GABRA2: variants seen among roughly 807,000 people sequenced by gnomAD.
The protein encoded by GABRA2 is gamma-aminobutyric acid type A receptor subunit alpha2, also known as gamma-aminobutyric acid receptor subunit alpha-2.
A neutral mutation model predicts 48.7 loss-of-function variants in GABRA2; 16 were observed. The ratio of observed to expected loss-of-function variants is 0.33; its 90% CI spans 0.22 to 0.50. GABRA2 has a LOEUF of 0.50. GABRA2 is among the 20% of genes least tolerant of loss of function. GABRA2 has a pLI of 0.98. For missense variants in GABRA2, 275 were observed against 535.6 expected (o/e 0.51, Z 4.80); for synonymous variants, 185 against 184.5 (o/e 1.00, Z -0.02).
At chr4:46,256,810 T>C (rs1159092086) in intron 9 of GABRA2, among the ~76,000 whole-genome samples, 5 of 151,702 alleles carry the variant, frequency 3.3e-5, no homozygotes, top group Admixed American at 6.6e-5. Context: ...AATAAATAAA[T>C]ACACTTGAAA....
chr4:46,289,600 A>G (rs1723197879), intron 8 of GABRA2, among the ~76,000 whole-genome samples: 1 of 152,202 alleles, frequency 6.6e-6, no homozygotes. Flanking sequence ...ACGAATAGGT[A>G]CTAGGCTTAA....
chr4:46,304,397 T>A (rs1418419209), intron 7 of GABRA2, among the ~76,000 whole-genome samples: 1 of 152,202 alleles, frequency 6.6e-6, no homozygotes, highest in Non-Finnish European at 1.5e-5. Context: ...TCTACCTTCC[T>A]TTCTGCTCCC....
At chr4:46,296,668 G>A (rs7436559) in intron 8 of GABRA2, among the ~76,000 whole-genome samples, 54,909 of 133,774 alleles carry the variant, frequency 0.41, 11,275 homozygotes, top group East Asian at 0.5. Flanking sequence ...AAAAAAAAAA[G>A]AAAAAAAAAA....
chr4:46,306,123 T>G (rs1726646745), intron 6 of GABRA2, among the ~76,000 whole-genome samples: 1 of 152,174 alleles, frequency 6.6e-6, no homozygotes, highest in African/African-American at 2.4e-5. Flanking sequence ...TTATATTAAT[T>G]TTTGGACATA....
rs144996093 is a variant in GABRA2, at chr4:46,258,433, G to T, written c.1059+3493C>A. Among the ~76,000 whole-genome samples, 678 of 151,954 alleles carry T rather than the reference G, an allele frequency of 4.5e-3. 7 individuals carry two copies. Among genetic ancestry groups the T allele is most frequent in the African/African-American group, 0.015 (622 of 41,528 alleles). ...AATTTCCTGAGGAATTGATATTTGT[G>T]CTGAGGATGGCAAATGGGGGGACAG... On this transcript the variant is annotated intron_variant, in intron 9 of 9. Transcript: ENST00000381620.
chr4:46,355,750 A>G (rs1230796009), intron 3 of GABRA2, among the ~76,000 whole-genome samples: 1 of 151,968 alleles, frequency 6.6e-6, no homozygotes, highest in Non-Finnish European at 1.5e-5. Flanking sequence ...AATCTAATCC[A>G]CTGTATGTTT....
intron 9 of GABRA2, among the ~76,000 whole-genome samples, chr4:46,254,013 T>TATAGAC (rs1386879067): frequency 2.0e-5 from 3 of 151,546 alleles, no homozygotes; most frequent in African/African-American, 7.3e-5. Context: ...TTCTAAGATC[T>TATAGAC]TCTAAAGCAG....
chr4:46,340,354 C>T (rs1051670243), intron 3 of GABRA2, among the ~76,000 whole-genome samples: 2 of 151,924 alleles, frequency 1.3e-5, no homozygotes, highest in Admixed American at 6.6e-5. Flanking sequence ...AAAGAAATCC[C>T]ACATCCATTT....
chr4:46,340,063 T>C (rs567975645), intron 3 of GABRA2, among the ~76,000 whole-genome samples: 1 of 151,972 alleles, frequency 6.6e-6, no homozygotes, highest in Admixed American at 6.6e-5. Flanking sequence ...GCTTCTCTCT[T>C]TTCAACAGTA....
intron 3 of GABRA2, among the ~76,000 whole-genome samples, chr4:46,347,465 C>T (rs1734334160): frequency 6.6e-6 from 1 of 151,772 alleles, no homozygotes; most frequent in African/African-American, 2.4e-5. Context: ...TGATATTGAA[C>T]AAAGGTTTGA....
At chr4:46,341,831 A>AT (rs1370871031) in intron 3 of GABRA2, among the ~76,000 whole-genome samples, 1 of 151,898 alleles carries the variant, frequency 6.6e-6, no homozygotes, top group African/African-American at 2.4e-5. Flanking sequence ...TTTTCTTTAG[A>AT]TTTTGCCCAG....
Position 46,245,053 on chromosome 4 carries a change from C to T in GABRA2, c.*5255G>A, listed in dbSNP as rs1177599576. ...TTTTTGTTTTTTTGTTTGTTTGTTT[C>T]GTTTACCTTTCCTATAATATATGTA... On this transcript the variant is annotated 3_prime_UTR_variant, in exon 10 of 10. Transcript: ENST00000381620. Among the ~76,000 whole-genome samples, 1 of 150,668 alleles carries T rather than the reference C, an allele frequency of 6.6e-6. No homozygotes were observed. The highest frequency in any genetic ancestry group is 1.5e-5 in the Non-Finnish European group (1 of 67,312).
At chr4:46,269,464 A>T (rs1169434630) in intron 8 of GABRA2, among the ~76,000 whole-genome samples, 2 of 151,898 alleles carry the variant, frequency 1.3e-5, no homozygotes, top group African/African-American at 4.8e-5. Context: ...TACCTACATG[A>T]TAAATACCAT....
intron 8 of GABRA2, among the ~76,000 whole-genome samples, chr4:46,293,107 G>A (rs1212290897): frequency 7.0e-6 from 1 of 142,268 alleles, no homozygotes; most frequent in African/African-American, 2.6e-5. Context: ...ATTAATCATG[G>A]TGACTCTATA....
chr4:46,375,553 C>T (rs370438809), intron 3 of GABRA2, among the ~76,000 whole-genome samples: 6 of 152,174 alleles, frequency 3.9e-5, no homozygotes, highest in African/African-American at 1.2e-4. Context: ...CTTAAACACC[C>T]TCGACATCCC....
chr4:46,356,465 A>T (rs1480076836), intron 3 of GABRA2, among the ~76,000 whole-genome samples: 7 of 150,442 alleles, frequency 4.7e-5, no homozygotes, highest in Admixed American at 4.6e-4. Context: ...ACTGTTTTAC[A>T]GCTTCCCACA....
At chr4:46,346,270 G>A (rs575181001) in intron 3 of GABRA2, among the ~76,000 whole-genome samples, 13 of 151,762 alleles carry the variant, frequency 8.6e-5, no homozygotes, top group African/African-American at 1.9e-4. Flanking sequence ...ACTAAGGAAC[G>A]CTTGCCTCTT....
chr4:46,363,586 C>T (rs1273009899), intron 3 of GABRA2: 1 of 151,938 alleles, frequency 6.6e-6, no homozygotes, highest in African/African-American at 2.4e-5. Context: ...CAATGAAAGG[C>T]TTAAGGAAAA....
chr4:46,357,700 T>C (rs965813970), intron 3 of GABRA2, among the ~76,000 whole-genome samples: 3 of 149,826 alleles, frequency 2.0e-5, no homozygotes, highest in African/African-American at 7.4e-5. Context: ...CTTGCTCTGT[T>C]GCCAGGCTGG....
Sources: allele counts gnomAD v4.1 joint callset (sites outside exome capture counted in the v4.1 genomes callset), GRCh38; gene constraint gnomAD v4.1.1; transcripts MANE v1.5; gene names NCBI Gene and HGNC (gene_info 2026-07-23, HGNC 2026-07-21).